The following RNF207 variants were observed in gnomAD, a reference collection of about 807,000 sequenced individuals.
RNF207 encodes the protein OTTHUMG00000001089.
RNF207 carries 72 observed loss-of-function variants against 79.0 expected under a neutral mutation model. That is an observed-to-expected ratio of 0.91 (90% CI 0.75 to 1.11). RNF207 has a LOEUF of 1.11. Among genes scored for constraint, RNF207 ranks in the 50% least tolerant of loss-of-function variants. RNF207 has a pLI of 0.00. For synonymous variants in RNF207, 348 were observed against 366.2 expected, an observed-to-expected ratio of 0.95 and a Z score of 0.57; for missense variants, 936 against 855.8, an observed-to-expected ratio of 1.09 and a Z score of -1.17.
In RNF207 at chr1:6,206,236, C is replaced by G. The variant is rs1397159617; in HGVS notation, c.-67C>G. 1.4e-5 allele frequency: 5 copies of G among 366,644 alleles called. No individual in the cohort carries two copies. The South Asian group carries it at 1.9e-4, about 14-fold the overall frequency. The allele number at this position is 366,644 out of a possible 1,614,324, so 22.7% of individuals were successfully genotyped here. On this transcript the variant is annotated 5_prime_UTR_variant, in exon 1 of 18. Coordinates refer to ENST00000377939, the MANE Select transcript of RNF207 (RefSeq NM_207396.3). ...TCTCAGAGCGCGGCCCGGAGCCGCA[C>G]TAAGAGCGCTGGACGGCGGGAGAGA...
chr1:6,212,118 C>A, intron 13 of RNF207, 65 bp downstream of exon 13: 1 of 1,547,066 alleles, frequency 6.5e-7, no homozygotes, highest in South Asian at 1.2e-5. Context: ...AAGGTACGCT[C>A]AGGGAAATCG....
rs749285558 is a variant in RNF207, at chr1:6,211,710, C to G, written c.1110-157C>G. Among the ~76,000 whole-genome samples the G allele has an allele frequency of 6.6e-5, 10 of 152,194 alleles. No individual in the cohort carries two copies. Among genetic ancestry groups the G allele is most frequent in the Admixed American group, 1.3e-4 (2 of 15,292 alleles). On this transcript the variant is annotated intron_variant, in intron 12 of 17. Coordinates refer to ENST00000377939, the MANE Select transcript of RNF207 (RefSeq NM_207396.3). The surrounding 1 kb of genome is among the most constrained non-coding windows in gnomAD (Gnocchi z 4.2). ...ATAGATGTGGATGTCCGGGTGAGGC[C>G]TTGCCTCAGCCTTTTCAAATCTCCT...
In RNF207 at chr1:6,211,885, C is replaced by T. The variant is rs775183923; in HGVS notation, c.1128C>T (p.Gly376=). The T allele has an allele frequency of 1.3e-6, 2 of 1,548,620 alleles. No homozygotes were observed. Among genetic ancestry groups the T allele is most frequent in the Non-Finnish European group, 1.7e-6 (2 of 1,146,748 alleles). Residue 376 remains glycine, a synonymous_variant, in exon 13 of 18, where the codon GGC becomes GGT. Coordinates refer to ENST00000377939, the MANE Select transcript of RNF207 (RefSeq NM_207396.3). The surrounding 1 kb of genome is among the most constrained non-coding windows in gnomAD (Gnocchi z 4.2). ...SGANTLAGGL[G]PKALTGPHCP... is the part of the protein sequence containing the mutation. ...TCCCCAGGCTGGCAGGGGGCTTAGGCCCCAAGGCGCTGACGGGGCCCCACT... is the reference window on the plus strand; with the variant it reads ...TCCCCAGGCTGGCAGGGGGCTTAGGTCCCAAGGCGCTGACGGGGCCCCACT...
chr1:6,209,800 C>A, intron 7 of RNF207, 124 bp from the exon 8 acceptor site: 2 of 1,102,974 alleles, frequency 1.8e-6, no homozygotes, highest in Non-Finnish European at 2.6e-6. Context: ...GCAGCAGATG[C>A]AGGGCTGGTA....
rs1424055246 is a variant in RNF207, at chr1:6,207,598, C to T, written c.324+87C>T. 10 of 1,418,884 alleles carry T rather than the reference C, an allele frequency of 7.0e-6. No homozygotes were observed. The highest frequency in any genetic ancestry group is 5.6e-5 in the African/African-American group (4 of 70,926). The allele number at this position is 1,418,884 out of a possible 1,614,324, so 87.9% of individuals were successfully genotyped here. A position where few individuals can be genotyped will look rare whatever the true frequency, so the allele number is the denominator to read the frequency against. On this transcript the variant is annotated intron_variant, in intron 3 of 17. Transcript: ENST00000377939. This position sits in a 1 kb window ranked among gnomAD's most constrained non-coding sequence, Gnocchi z 4.5. The stretch of plus-strand genomic sequence containing the variant: ...CTTGCACATGCACTCAGCATGTCTT[C>T]AGAGGACGACCTGGCAGTGGATTCT...
chr1:6,218,648 TG>T (rs956719442), intron 17 of RNF207, among the ~76,000 whole-genome samples: 1 of 152,194 alleles, frequency 6.6e-6, no homozygotes, highest in Non-Finnish European at 1.5e-5. Flanking sequence ...CACTGGGAGC[TG>T]CACGTGCTTA....
chr1:6,217,337 A>T lies in RNF207; in HGVS notation c.1653-952A>T, dbSNP rs977376770. On this transcript the variant is annotated intron_variant, in intron 16 of 17. Coordinates refer to ENST00000377939, the MANE Select transcript of RNF207 (RefSeq NM_207396.3). This position sits in a 1 kb window ranked among gnomAD's most constrained non-coding sequence, Gnocchi z 4.2. Reference sequence around the variant, plus strand: ...TAGGCATTCTCCACAGCCTACGCTCACTCCTTGGGCGACCTCATTCAGTCC... The same window carrying T: ...TAGGCATTCTCCACAGCCTACGCTCTCTCCTTGGGCGACCTCATTCAGTCC... Among the ~76,000 whole-genome samples, 5 of 151,640 alleles carry T rather than the reference A, an allele frequency of 3.3e-5. No individual in the cohort carries two copies. The highest frequency in any genetic ancestry group is 1.2e-4 in the African/African-American group (5 of 41,252).
chr1:6,210,013 C>T (rs1668093813), intron 8 of RNF207, 43 bp downstream of exon 8: 1 of 1,535,688 alleles, frequency 6.5e-7, no homozygotes, highest in South Asian at 1.2e-5. Flanking sequence ...ACCCCTTGGC[C>T]TCCATGGCCT....
At position 6,217,986 on chromosome 1, in the gene RNF207, C is replaced by T. The variant is rs954711359; in HGVS notation, c.1653-303C>T. 3.3e-5 allele frequency among the ~76,000 whole-genome samples: 5 copies of T among 152,232 alleles called. No individual in the cohort carries two copies. Among genetic ancestry groups the T allele is most frequent in the Admixed American group, 2.0e-4 (3 of 15,286 alleles). Reference sequence around the variant, plus strand: ...GATGAGTGTCAGCAGAGGCCCTCCCCACTCCACCTGGATTAAAGCAGGTCT... The same window carrying T: ...GATGAGTGTCAGCAGAGGCCCTCCCTACTCCACCTGGATTAAAGCAGGTCT... On this transcript the variant is annotated intron_variant, in intron 16 of 17. Coordinates refer to ENST00000377939, the MANE Select transcript of RNF207 (RefSeq NM_207396.3). The surrounding 1 kb of genome is among the most constrained non-coding windows in gnomAD (Gnocchi z 4.2).
chr1:6,207,870 C>T lies in RNF207; in HGVS notation c.324+359C>T. The T allele has an allele frequency of 2.3e-6, 1 of 439,256 alleles. No homozygotes were observed. The highest frequency in any genetic ancestry group is 1.9e-5 in the South Asian group (1 of 53,918). 27.2% of individuals were successfully genotyped at this position (439,256 alleles called of 1,614,324 possible). ...CTCTGCTACCCAAGTGGCATAGAAG[C>T]AGCTACAGCCCAGGGGAGGTGGGGA... On this transcript the variant is annotated intron_variant, in intron 3 of 17. Transcript: ENST00000377939. This position sits in a 1 kb window ranked among gnomAD's most constrained non-coding sequence, Gnocchi z 4.5.
chr1:6,216,862 C>T (rs576217544), intron 16 of RNF207, among the ~76,000 whole-genome samples: 10 of 152,002 alleles, frequency 6.6e-5, no homozygotes, highest in South Asian at 2.1e-4. Context: ...GCCACTGCGC[C>T]GGGCTTTTTT....
At chr1:6,215,721 C>T (rs144734834) in intron 16 of RNF207, among the ~76,000 whole-genome samples, 3 of 152,148 alleles carry the variant, frequency 2.0e-5, no homozygotes, top group East Asian at 1.9e-4. Flanking sequence ...AGTGCAATGG[C>T]GCCATCTCAG....
rs1571204971 is a variant in RNF207 at position 6,210,699 on chromosome 1, G to A, written c.943-171G>A. The A allele has an allele frequency of 2.2e-5, 15 of 689,566 alleles. No homozygotes were observed. In the East Asian group the frequency reaches 3.8e-4, roughly 17 times the overall value. The allele number at this position is 689,566 out of a possible 1,614,324, so 42.7% of individuals were successfully genotyped here. On this transcript the variant is annotated intron_variant, in intron 10 of 17. Transcript: ENST00000377939. ...GAGTCCAGCCGCCCCCTCTCCTGTG[G>A]ATTTGGGGATGGGATGGGGGTTTGT...
rs778496017 is a variant in RNF207 at position 6,210,214 on chromosome 1, C to G, written c.801-9C>G. On this transcript the variant is annotated splice_polypyrimidine_tract_variant and intron_variant, in intron 8 of 17. Coordinates refer to ENST00000377939, the MANE Select transcript of RNF207 (RefSeq NM_207396.3). ...GCCCCCTGGAAACCAGGCAGCCCCCCTCCCCCAGCCAATACGAAGAGAAGG... is the reference window on the plus strand; with the variant it reads ...GCCCCCTGGAAACCAGGCAGCCCCCGTCCCCCAGCCAATACGAAGAGAAGG... The G allele has an allele frequency of 8.1e-6, 13 of 1,611,952 alleles. No individual in the cohort carries two copies. The highest frequency in any genetic ancestry group is 1.1e-5 in the Non-Finnish European group (13 of 1,178,876).
Position 6,211,297 on chromosome 1 carries a change from AC to A in RNF207, c.1109+180del, listed in dbSNP as rs1337104296. Among the ~76,000 whole-genome samples, 3 of 152,096 alleles carry A rather than the reference AC, an allele frequency of 2.0e-5. No individual in the cohort carries two copies. The highest frequency in any genetic ancestry group is 7.2e-5 in the African/African-American group (3 of 41,412). On this transcript the variant is annotated intron_variant, in intron 12 of 17. Transcript: ENST00000377939. The surrounding 1 kb of genome is among the most constrained non-coding windows in gnomAD (Gnocchi z 4.2). ...CACAGGGGATGGCCAGGGCGAGTCC[AC>A]TAAGTAGGGGAACAGGAAGCCCTGG...
At chr1:6,214,904 G>A (rs2100942280) in intron 16 of RNF207, among the ~76,000 whole-genome samples, 1 of 151,988 alleles carries the variant, frequency 6.6e-6, no homozygotes, top group Admixed American at 6.6e-5. Context: ...CAAAGTGCTG[G>A]GCATGAGCCA....
chr1:6,219,374 C>T lies in RNF207; in HGVS notation c.1872C>T (p.Gly624=), dbSNP rs779257537. The part of the protein sequence containing the change: ...DHHRSKQKNG[G]DVPTWREHPT The stretch of plus-strand genomic sequence containing the variant: ...ACAGATCCAAACAGAAAAATGGGGG[C>T]GATGTCCCCACATGGAGGGAACACC... The change falls in exon 18 of 18, where the codon GGC becomes GGT. Residue 624 remains glycine, a synonymous_variant. Coordinates refer to ENST00000377939, the MANE Select transcript of RNF207 (RefSeq NM_207396.3). 2.5e-6 allele frequency: 4 copies of T among 1,609,956 alleles called. No individual in the cohort carries two copies. The highest frequency in any genetic ancestry group is 1.7e-5 in the Admixed American group (1 of 59,702).
chr1:6,208,414 G>A (rs1557583450), intron 3 of RNF207: 1 of 158,318 alleles, frequency 6.3e-6, no homozygotes, highest in East Asian at 1.9e-4. Flanking sequence ...TGCCTCCCGA[G>A]TTCAAGTGAT....
intron 16 of RNF207, among the ~76,000 whole-genome samples, chr1:6,214,637 T>C (rs1243973510): frequency 7.4e-6 from 1 of 135,558 alleles, no homozygotes; most frequent in Admixed American, 7.2e-5. Context: ...TTTCTTTTTT[T>C]TTTTTTTTTT....
Sources: gnomAD v4.1 joint callset for allele counts (sites outside exome capture counted in the v4.1 genomes callset) on GRCh38, gnomAD v4.1.1 for gene constraint, Gnocchi (gnomAD v3.1) non-coding constraint, MANE v1.5 for transcripts, NCBI Gene and HGNC (gene_info 2026-07-23, HGNC 2026-07-21) for gene names.